The following SMG6 variants were observed in gnomAD, a reference collection of about 807,000 sequenced individuals.
The protein encoded by SMG6 is SMG6 nonsense mediated mRNA decay factor.
In SMG6, 66 loss-of-function variants were observed where a neutral mutation model predicts 142.2. The observed-to-expected ratio is 0.46, with a 90% CI of 0.38 to 0.57. The LOEUF (loss-of-function observed/expected upper bound fraction) is 0.57, where lower values mean the gene tolerates loss of function less well. SMG6 is among the 20% of genes least tolerant of loss of function. The pLI, the probability that SMG6 is intolerant of heterozygous loss-of-function variation, is 0.00. For synonymous variants in SMG6, 779 were observed against 702.4 expected (o/e 1.11, Z -1.72); for missense variants, 1,793 against 1,832.0 (o/e 0.98, Z 0.39).
intron 13 of SMG6, chr17:2,087,982 G>T: frequency 1.0e-6 from 1 of 985,928 alleles, no homozygotes; most frequent in Non-Finnish European, 1.2e-6. Context: ...ATGGGTCCAG[G>T]ATTTTCCTTC....
chr17:2,126,515 C>A (rs532250178), intron 13 of SMG6, among the ~76,000 whole-genome samples: 9 of 151,798 alleles, frequency 5.9e-5, no homozygotes, highest in East Asian at 3.9e-4. Flanking sequence ...CACTTGAGGT[C>A]AGGAGTTGAG....
chr17:2,162,518 A>G (rs970392123), intron 13 of SMG6, among the ~76,000 whole-genome samples: 11 of 7,234 alleles, frequency 1.5e-3, no homozygotes, highest in Middle Eastern at 0.12. Context: ...CCCATCTCAG[A>G]AAAAAAAAAA....
At chr17:2,186,528 A>C (rs1430603203) in intron 12 of SMG6, 135 bp downstream of exon 12, 1 of 1,000,812 alleles carries the variant, frequency 1.0e-6, no homozygotes, top group Admixed American at 2.8e-5. Flanking sequence ...TATTCAAAAA[A>C]AGTTCAAATA....
Position 2,277,193 on chromosome 17 carries a change from G to C in SMG6, c.2661+5454C>G, listed in dbSNP as rs539653732. ...TTTTATTTTTTTTTTTTTTGAGACA[G>C]AGTCTCGCTGTCACCCAGGCTGGAG... is the stretch of plus-strand genomic sequence containing the variant. On this transcript the variant is annotated intron_variant, in intron 8 of 18. Coordinates refer to ENST00000263073, the MANE Select transcript of SMG6 (RefSeq NM_017575.5). Among the ~76,000 whole-genome samples, 4 of 129,568 alleles carry C rather than the reference G, an allele frequency of 3.1e-5. No homozygotes were observed. The South Asian group carries it at 7.0e-4, about 23-fold the overall frequency. The allele number at this position is 129,568 out of a possible 152,430, so 85.0% of individuals were successfully genotyped here. A position where few individuals can be genotyped will look rare whatever the true frequency, so the allele number is the denominator to read the frequency against.
intron 8 of SMG6, among the ~76,000 whole-genome samples, chr17:2,262,314 T>C (rs1372535173): frequency 6.6e-6 from 1 of 152,194 alleles, no homozygotes; most frequent in African/African-American, 2.4e-5. Context: ...ATACATAAAA[T>C]AAAGCAGAGA....
intron 10 of SMG6, among the ~76,000 whole-genome samples, chr17:2,216,807 T>C (rs1012533149): frequency 6.6e-6 from 1 of 152,200 alleles, no homozygotes; most frequent in Non-Finnish European, 1.5e-5. Flanking sequence ...GCTAAAATAA[T>C]TCCATTTTCA....
Position 2,060,822 on chromosome 17 carries a change from G to GT in SMG6, c.*669dup. The GT allele has an allele frequency of 6.5e-6, 1 of 152,978 alleles. No individual in the cohort carries two copies. The highest frequency in any genetic ancestry group is 1.5e-5 in the Non-Finnish European group (1 of 68,502). The allele number at this position is 152,978 out of a possible 1,614,324, so 9.5% of individuals were successfully genotyped here. ...TCCACGGGGACGCAACTGGCGAAGT[G>GT]TGAGGGACCCAGGTTGATAAGGGCA... On this transcript the variant is annotated 3_prime_UTR_variant, in exon 19 of 19. Transcript: ENST00000263073.
At chr17:2,118,280 G>A (rs1439300779) in intron 13 of SMG6, among the ~76,000 whole-genome samples, 1 of 152,190 alleles carries the variant, frequency 6.6e-6, no homozygotes, top group Non-Finnish European at 1.5e-5. Context: ...GCTCATGCCT[G>A]TAATCCCAGC....
chr17:2,179,291 T>A (rs1379319536), intron 12 of SMG6, among the ~76,000 whole-genome samples: 1 of 152,188 alleles, frequency 6.6e-6, no homozygotes, highest in African/African-American at 2.4e-5. Context: ...GGAAGGCATA[T>A]TAAGTGTCCT....
intron 14 of SMG6, among the ~76,000 whole-genome samples, chr17:2,083,254 T>A (rs558824495): frequency 2.0e-4 from 31 of 152,178 alleles, no homozygotes; most frequent in Non-Finnish European, 3.7e-4. Flanking sequence ...ACTGTCCAGC[T>A]CAAGGTCATA....
chr17:2,270,434 C>G (rs1049030056), intron 8 of SMG6, among the ~76,000 whole-genome samples: 2 of 151,990 alleles, frequency 1.3e-5, no homozygotes, highest in African/African-American at 4.8e-5. Context: ...CAGCGAGACC[C>G]TTCCTCTATG....
chr17:2,232,176 A>G (rs2073516015), intron 10 of SMG6, among the ~76,000 whole-genome samples: 1 of 152,160 alleles, frequency 6.6e-6, no homozygotes, highest in South Asian at 2.1e-4. Context: ...CTCCCCTACC[A>G]CAATGCTGCT....
intron 10 of SMG6, among the ~76,000 whole-genome samples, chr17:2,194,508 G>A (rs961082261): frequency 2.6e-5 from 4 of 152,074 alleles, no homozygotes; most frequent in African/African-American, 9.7e-5. Flanking sequence ...AGAGGTAGAA[G>A]AGGGAATGAA....
chr17:2,295,060 A>G (rs1241552021), intron 4 of SMG6, among the ~76,000 whole-genome samples: 1 of 152,090 alleles, frequency 6.6e-6, no homozygotes, highest in Admixed American at 6.6e-5. Flanking sequence ...TATTTTTAGT[A>G]GAGAGGGGGT....
At chr17:2,281,848 C>G (rs1052877477) in intron 8 of SMG6, among the ~76,000 whole-genome samples, 15 of 152,202 alleles carry the variant, frequency 9.9e-5, no homozygotes, top group African/African-American at 3.6e-4. Flanking sequence ...CTCCCCCAGC[C>G]AGCCTCAGCC....
chr17:2,204,684 C>T (rs995473489), intron 10 of SMG6, among the ~76,000 whole-genome samples: 1 of 152,196 alleles, frequency 6.6e-6, no homozygotes, highest in African/African-American at 2.4e-5. Flanking sequence ...ATGCTTCCAG[C>T]TGGGCATGGT....
chr17:2,065,014 G>A, intron 18 of SMG6, 59 bp downstream of exon 18: 1 of 1,334,958 alleles, frequency 7.5e-7, no homozygotes, highest in East Asian at 2.3e-5. Context: ...GGCTGAGGAT[G>A]GGTAGGATGA....
intron 13 of SMG6, chr17:2,087,424 G>A (rs192702085): frequency 9.3e-6 from 11 of 1,184,934 alleles, no homozygotes; most frequent in Middle Eastern, 3.9e-4. Flanking sequence ...AGCCAACCCC[G>A]CTTTCCTACA....
rs538712351 is a variant in SMG6 at position 2,155,176 on chromosome 17, C to T, written c.3357+17482G>A. Among the ~76,000 whole-genome samples, 433 of 152,068 alleles carry T rather than the reference C, an allele frequency of 2.8e-3. 3 individuals carry two copies. The highest frequency in any genetic ancestry group is 0.01 in the Middle Eastern group (3 of 294). Reference sequence around the variant, plus strand: ...CAAGTGATTCTCCTGCCTTAGCACCCCTAGCAGCTGGGATTACTGGGATTA... The same window carrying T: ...CAAGTGATTCTCCTGCCTTAGCACCTCTAGCAGCTGGGATTACTGGGATTA... On this transcript the variant is annotated intron_variant, in intron 13 of 18. Transcript: ENST00000263073.
Sources: allele counts gnomAD v4.1 joint callset (sites outside exome capture counted in the v4.1 genomes callset), GRCh38; gene constraint gnomAD v4.1.1; transcripts MANE v1.5; gene names NCBI Gene and HGNC (gene_info 2026-07-23, HGNC 2026-07-21).